DHRS3: variants seen among roughly 807,000 people sequenced by gnomAD.
The protein encoded by DHRS3 is short-chain dehydrogenase/reductase 3.
In DHRS3, 14 loss-of-function variants were observed where a neutral mutation model predicts 27.2. The observed-to-expected ratio is 0.52, with a 90% CI of 0.34 to 0.81. The LOEUF (loss-of-function observed/expected upper bound fraction) is 0.81, where lower values mean the gene tolerates loss of function less well. DHRS3 is among the 30% of genes least tolerant of loss of function. The probability of loss-of-function intolerance (pLI) is 0.01; values close to 1 mark genes in which losing one functional copy is unlikely to be tolerated. For synonymous variants in DHRS3, 165 were observed against 175.9 expected, an observed-to-expected ratio of 0.94 and a Z score of 0.49; for missense variants, 322 against 406.2, an observed-to-expected ratio of 0.79 and a Z score of 1.78.
chr1:12,603,504 C>G (rs1296469445), intron 1 of DHRS3, among the ~76,000 whole-genome samples: 2 of 152,212 alleles, frequency 1.3e-5, no homozygotes, highest in Non-Finnish European at 2.9e-5. Context: ...CCTCCCTGCT[C>G]CATCTCCCAC....
At chr1:12,584,778 C>G (rs1229615310) in intron 1 of DHRS3, among the ~76,000 whole-genome samples, 3 of 152,304 alleles carry the variant, frequency 2.0e-5, no homozygotes, top group South Asian at 2.1e-4. Flanking sequence ...CGGTCTCAGA[C>G]GGAGGTGAGG....
intron 1 of DHRS3, among the ~76,000 whole-genome samples, chr1:12,607,863 G>A (rs1168749306): frequency 1.3e-5 from 2 of 151,334 alleles, no homozygotes; most frequent in African/African-American, 2.4e-5. Flanking sequence ...GTGTGTGTAT[G>A]TGTGTGTGTG....
intron 1 of DHRS3, among the ~76,000 whole-genome samples, chr1:12,585,063 A>ATG (rs1570370832): frequency 1.1e-5 from 1 of 90,186 alleles, no homozygotes; most frequent in Admixed American, 1.0e-4. Context: ...CTCTGTGAGT[A>ATG]TGTGTGTGTG....
chr1:12,608,287 G>A lies in DHRS3; in HGVS notation c.195+8867C>T, dbSNP rs181055492. The stretch of plus-strand genomic sequence containing the variant: ...CAATCGTGTATGGTACCACAGACAT[G>A]TAGAGTACCACGGTCATGAATATTA... On this transcript the variant is annotated intron_variant, in intron 1 of 5. Coordinates refer to ENST00000616661, the MANE Select transcript of DHRS3 (RefSeq NM_004753.7). This position sits in a 1 kb window ranked among gnomAD's most constrained non-coding sequence, Gnocchi z 4.1. 1.8e-3 allele frequency among the ~76,000 whole-genome samples: 279 copies of A among 152,258 alleles called. 3 individuals carry two copies. In the East Asian group the frequency reaches 0.032, roughly 18 times the overall value.
At chr1:12,615,031 C>A (rs1646935354) in intron 1 of DHRS3, among the ~76,000 whole-genome samples, 2 of 152,172 alleles carry the variant, frequency 1.3e-5, no homozygotes, top group South Asian at 4.1e-4. Flanking sequence ...TTCCCAACCC[C>A]ACTAGGCCTC....
chr1:12,599,111 C>A (rs1365600020), intron 1 of DHRS3, among the ~76,000 whole-genome samples: 1 of 152,238 alleles, frequency 6.6e-6, no homozygotes, highest in African/African-American at 2.4e-5. Context: ...GCCAAGGTAG[C>A]TATCCTACAG....
chr1:12,576,568 A>AAAAAC (rs1553138403), intron 4 of DHRS3, among the ~76,000 whole-genome samples: 9 of 151,720 alleles, frequency 5.9e-5, no homozygotes, highest in Middle Eastern at 3.4e-3. Flanking sequence ...TCTTAAAAAA[A>AAAAAC]AAAACAAAAC....
intron 5 of DHRS3, among the ~76,000 whole-genome samples, chr1:12,571,145 C>T (rs1412147471): frequency 6.6e-6 from 1 of 152,214 alleles, no homozygotes; most frequent in East Asian, 1.9e-4. Flanking sequence ...CCCATGGTCA[C>T]TTGTGGCACC....
chr1:12,572,758 C>T lies in DHRS3; in HGVS notation c.794G>A (p.Trp265Ter). 2 of 1,610,400 alleles carry T rather than the reference C, an allele frequency of 1.2e-6. No homozygotes were observed. Among genetic ancestry groups the T allele is most frequent in the Non-Finnish European group, 1.7e-6 (2 of 1,178,506 alleles). ...CAAGATAACGAGGGCATGCATTGTC[C>T]ATGGGAGGAGGAGGAGGGCCTGGTT... Reference protein sequence around the residue: ...QLNQALLLLPWTMHALVILKS... With the variant: ...QLNQALLLLP Residue 265 changes from tryptophan (W) to a stop codon, truncating the protein, a stop_gained, in exon 5 of 6, where the codon TGG becomes TAG. Coordinates refer to ENST00000616661, the MANE Select transcript of DHRS3 (RefSeq NM_004753.7). LOFTEE classifies it high-confidence loss of function.
intron 1 of DHRS3, among the ~76,000 whole-genome samples, chr1:12,612,552 T>C (rs1244662758): frequency 6.6e-6 from 1 of 152,196 alleles, no homozygotes; most frequent in Non-Finnish European, 1.5e-5. Context: ...TGCTCCTTCC[T>C]TCATGAAACC....
rs58122369 is a variant in DHRS3 at position 12,594,215 on chromosome 1, C to G, written c.196-13549G>C. ...TAAGTAACTCATGCAGGCTGCACTA[C>G]TAGAAGTTTCAAAGCAAGGCTCGGA... On this transcript the variant is annotated intron_variant, in intron 1 of 5. Transcript: ENST00000616661. The surrounding 1 kb of genome is among the most constrained non-coding windows in gnomAD (Gnocchi z 4.1). Among the ~76,000 whole-genome samples the G allele has an allele frequency of 0.022, 3,302 of 152,328 alleles. 129 individuals carry two copies. Among genetic ancestry groups the G allele is most frequent in the African/African-American group, 0.075 (3,105 of 41,554 alleles).
In DHRS3 at chr1:12,568,265, C is replaced by A; in HGVS notation, c.*75G>T. On this transcript the variant is annotated 3_prime_UTR_variant, in exon 6 of 6. Coordinates refer to ENST00000616661, the MANE Select transcript of DHRS3 (RefSeq NM_004753.7). ...CACCCAGCAGAAGCATGCCAATGGA[C>A]AGGTGCTCGGGTGTGTGCCCAGGTG... 1 of 1,355,976 alleles carries A rather than the reference C, an allele frequency of 7.4e-7. No homozygotes were observed. The highest frequency in any genetic ancestry group is 1.1e-6 in the Non-Finnish European group (1 of 948,490). The allele number at this position is 1,355,976 out of a possible 1,614,324, so 84.0% of individuals were successfully genotyped here. A position where few individuals can be genotyped will look rare whatever the true frequency, so the allele number is the denominator to read the frequency against.
chr1:12,577,893 A>C lies in DHRS3; in HGVS notation c.698+825T>G, dbSNP rs181379538. Among the ~76,000 whole-genome samples the C allele has an allele frequency of 3.9e-5, 6 of 152,346 alleles. No homozygotes were observed. The East Asian group carries it at 1.2e-3, about 29-fold the overall frequency. Reference sequence around the variant, plus strand: ...CATATAACAAAAGGTATACATCTTAAGCAGACAGTTTGATTAACTTTCACG... The same window carrying C: ...CATATAACAAAAGGTATACATCTTACGCAGACAGTTTGATTAACTTTCACG... On this transcript the variant is annotated intron_variant, in intron 4 of 5. Transcript: ENST00000616661.
At chr1:12,590,169 GC>G (rs1646733453) in intron 1 of DHRS3, among the ~76,000 whole-genome samples, 1 of 152,072 alleles carries the variant, frequency 6.6e-6, no homozygotes, top group Non-Finnish European at 1.5e-5. Flanking sequence ...TTCAAGCAGA[GC>G]CCCAAGGAAC....
chr1:12,600,481 C>G, intron 1 of DHRS3: 9 of 791,732 alleles, frequency 1.1e-5, no homozygotes, highest in Non-Finnish European at 1.4e-5. Context: ...GAACACGGGC[C>G]GTGCAGCCAA....
chr1:12,606,785 G>A (rs191895593), intron 1 of DHRS3, among the ~76,000 whole-genome samples: 65 of 152,116 alleles, frequency 4.3e-4, no homozygotes, highest in African/African-American at 1.3e-3. Context: ...GTGAGCCACC[G>A]TGCCCAGCTG....
Position 12,588,147 on chromosome 1 carries a change from C to T in DHRS3, c.196-7481G>A, listed in dbSNP as rs1009317758. Among the ~76,000 whole-genome samples, 4 of 152,216 alleles carry T rather than the reference C, an allele frequency of 2.6e-5. No individual in the cohort carries two copies. In the East Asian group the frequency reaches 5.8e-4, roughly 22 times the overall value. On this transcript the variant is annotated intron_variant, in intron 1 of 5. Coordinates refer to ENST00000616661, the MANE Select transcript of DHRS3 (RefSeq NM_004753.7). ...GGGCTGTTTTTCTCTGTTTCAAATG[C>T]CAGGGCTACTTATGGACTCCTATTC...
chr1:12,585,245 C>CTATGTGAG (rs1256874447), intron 1 of DHRS3, among the ~76,000 whole-genome samples: 6,509 of 143,826 alleles, frequency 0.045, 518 homozygotes, highest in African/African-American at 0.16. Context: ...GAGTGTGTGT[C>CTATGTGAG]TCTGTGTCTC....
At chr1:12,576,587 A>C (rs889399951) in intron 4 of DHRS3, among the ~76,000 whole-genome samples, 3 of 151,688 alleles carry the variant, frequency 2.0e-5, no homozygotes, top group Non-Finnish European at 4.4e-5. Flanking sequence ...ACAAAACTGC[A>C]GACTGCCACT....
Sources: allele counts gnomAD v4.1 joint callset (sites outside exome capture counted in the v4.1 genomes callset), GRCh38; gene constraint gnomAD v4.1.1; non-coding constraint Gnocchi (gnomAD v3.1); transcripts MANE v1.5; gene names NCBI Gene and HGNC (gene_info 2026-07-23, HGNC 2026-07-21).